The following MIGA1 variants were observed in gnomAD, a reference collection of about 807,000 sequenced individuals.
MIGA1 encodes the protein family with sequence similarity 73, member A.
In MIGA1, 58 loss-of-function variants were observed where a neutral mutation model predicts 82.0. The ratio of observed to expected loss-of-function variants is 0.71; its 90% CI spans 0.57 to 0.88. The LOEUF (loss-of-function observed/expected upper bound fraction) is 0.88, where lower values mean the gene tolerates loss of function less well. MIGA1 is among the 40% of genes least tolerant of loss of function. The probability of loss-of-function intolerance (pLI) is 0.00; values close to 1 mark genes in which losing one functional copy is unlikely to be tolerated. For missense variants in MIGA1, 751 were observed against 749.1 expected, an observed-to-expected ratio of 1.00 and a Z score of -0.03; for synonymous variants, 249 against 253.6, an observed-to-expected ratio of 0.98 and a Z score of 0.17.
chr1:77,846,587 G>A lies in MIGA1; in HGVS notation c.996+3180G>A, dbSNP rs553383879. On this transcript the variant is annotated intron_variant, in intron 8 of 15. Transcript: ENST00000370791. ...GAGCTCAAGCAATCCTCCCTCGTTG[G>A]CCTCCCAAAGTGCTGGGATTATAGG... 3.7e-4 allele frequency among the ~76,000 whole-genome samples: 56 copies of A among 151,972 alleles called. 1 individual carries two copies. The East Asian group carries it at 0.011, about 29-fold the overall frequency.
At position 77,803,569 on chromosome 1, in the gene MIGA1, A is replaced by G. The variant is rs201408630; in HGVS notation, c.510+163A>G. Among the ~76,000 whole-genome samples the G allele has an allele frequency of 2.7e-3, 415 of 152,334 alleles. 1 individual carries two copies. Among genetic ancestry groups the G allele is most frequent in the Middle Eastern group, 0.01 (3 of 294 alleles). The stretch of plus-strand genomic sequence containing the variant: ...CAAGTAAAATACCTTTTTGCTGACT[A>G]TTAGTCAATTTGGTTCTAGGTTTCT... On this transcript the variant is annotated intron_variant, in intron 4 of 15. Coordinates refer to ENST00000370791, the MANE Select transcript of MIGA1 (RefSeq NM_198549.4).
At chr1:77,816,907 G>A (rs1322523459) in intron 7 of MIGA1, among the ~76,000 whole-genome samples, 2 of 152,082 alleles carry the variant, frequency 1.3e-5, no homozygotes, top group Admixed American at 6.6e-5. Context: ...GAAGTGGCAC[G>A]GAATGCCACA....
intron 5 of MIGA1, among the ~76,000 whole-genome samples, chr1:77,812,594 C>T (rs1175124362): frequency 2.0e-5 from 3 of 152,138 alleles, no homozygotes; most frequent in Middle Eastern, 3.2e-3. Context: ...GAATGACTTG[C>T]CCAGATTCTT....
In MIGA1 at chr1:77,815,159, G is replaced by C; in HGVS notation, c.823G>C (p.Ala275Pro). The change falls in exon 7 of 16, where the codon GCC becomes CCC. Residue 275 changes from alanine (A) to proline (P), a missense_variant. By Grantham distance (27) the Ala-to-Pro change is conservative. This residue lies in a region of MIGA1 where 482 missense variants were observed against 439.4 expected (regional missense o/e 1.10). Coordinates refer to ENST00000370791, the MANE Select transcript of MIGA1 (RefSeq NM_198549.4). ...TAAACTCGAAGCTCTGCTGCAAAGA[G>C]CCTATCGTCTCCAAGAGGAGTTTGA... 1 of 1,608,364 alleles carries C rather than the reference G, an allele frequency of 6.2e-7. No homozygotes were observed. The highest frequency in any genetic ancestry group is 8.5e-7 in the Non-Finnish European group (1 of 1,176,166).
At chr1:77,872,895 T>C (rs1470317219) in intron 14 of MIGA1, 109 bp from the exon 15 acceptor site, 1 of 1,432,676 alleles carries the variant, frequency 7.0e-7, no homozygotes, top group Non-Finnish European at 9.6e-7. Flanking sequence ...AAACAAATTT[T>C]CTTAAACTCC....
At chr1:77,859,605 CTT>C (rs1201108322) in intron 10 of MIGA1, 2 of 490,210 alleles carry the variant, frequency 4.1e-6, no homozygotes, top group Non-Finnish European at 7.3e-6. Context: ...GCCCACGACA[CTT>C]TGTCAAAACA....
chr1:77,870,259 C>T (rs1221240988), intron 14 of MIGA1, among the ~76,000 whole-genome samples: 150 of 115,592 alleles, frequency 1.3e-3, no homozygotes, highest in East Asian at 4.3e-3. Flanking sequence ...GGGTGGCTGC[C>T]GGGCGGAGAC....
At chr1:77,847,869 GCAGA>G (rs554015362) in intron 8 of MIGA1, 14 of 1,588,296 alleles carry the variant, frequency 8.8e-6, no homozygotes, top group Non-Finnish European at 1.2e-5. Context: ...AAACCCAGAT[GCAGA>G]CAGTGACTTT....
intron 8 of MIGA1, chr1:77,847,253 C>A: frequency 9.7e-7 from 1 of 1,029,474 alleles, no homozygotes; most frequent in Non-Finnish European, 1.5e-6. Flanking sequence ...CAGAGGGAAG[C>A]TGCTAAGAAG....
chr1:77,872,869 A>C (rs991968648), intron 14 of MIGA1, 135 bp from the exon 15 acceptor site: 23 of 1,037,608 alleles, frequency 2.2e-5, no homozygotes, highest in Non-Finnish European at 3.1e-5. Context: ...AGGTGTTGCT[A>C]GACTCTGGTT....
At chr1:77,801,642 T>G (rs1682889198) in intron 3 of MIGA1, 134 bp downstream of exon 3, 4 of 706,568 alleles carry the variant, frequency 5.7e-6, no homozygotes, top group Non-Finnish European at 6.3e-6. Flanking sequence ...AGATTTATTT[T>G]AGAAAGATTA....
intron 5 of MIGA1, among the ~76,000 whole-genome samples, chr1:77,812,394 A>C (rs1683375650): frequency 6.6e-6 from 1 of 152,072 alleles, no homozygotes; most frequent in African/African-American, 2.4e-5. Context: ...CAGTGAGCCG[A>C]GATGGTGCCA....
Position 77,815,343 on chromosome 1 carries a change from AT to A in MIGA1, c.895+113del, listed in dbSNP as rs1362743756. On this transcript the variant is annotated intron_variant, in intron 7 of 15. Coordinates refer to ENST00000370791, the MANE Select transcript of MIGA1 (RefSeq NM_198549.4). ...GTAATAATAGGTTACTTAAAAAAAA[AT>A]AAACTAGCCAAGAGAAAAAATTTTT... 11 of 881,386 alleles carry A rather than the reference AT, an allele frequency of 1.2e-5. No homozygotes were observed. In the East Asian group the frequency reaches 2.0e-4, roughly 16 times the overall value. 54.6% of individuals were successfully genotyped at this position (881,386 alleles called of 1,614,324 possible).
intron 3 of MIGA1, 105 bp from the exon 4 acceptor site, chr1:77,803,165 A>C (rs1179135426): frequency 3.4e-6 from 2 of 596,944 alleles, no homozygotes; most frequent in Non-Finnish European, 2.5e-6. Flanking sequence ...CATGTTTTAA[A>C]ATTAGAAGCT....
At chr1:77,848,879 G>C (rs1684940973) in intron 8 of MIGA1, 1 of 796,000 alleles carries the variant, frequency 1.3e-6, no homozygotes, top group South Asian at 3.0e-5. Flanking sequence ...AACCATAAAG[G>C]AGTGTGTTAC....
chr1:77,819,767 AG>A (rs1683729090), intron 7 of MIGA1, among the ~76,000 whole-genome samples: 1 of 151,972 alleles, frequency 6.6e-6, no homozygotes. Flanking sequence ...TTTTGGGTAG[AG>A]GTGAGGTTTT....
chr1:77,842,511 C>T (rs978917251), intron 7 of MIGA1, among the ~76,000 whole-genome samples: 3 of 152,114 alleles, frequency 2.0e-5, no homozygotes, highest in African/African-American at 7.2e-5. Context: ...CTCATTAAAG[C>T]CTGAAAAAGT....
At chr1:77,808,148 T>C (rs867816129) in intron 5 of MIGA1, among the ~76,000 whole-genome samples, 2 of 148,740 alleles carry the variant, frequency 1.3e-5, no homozygotes, top group African/African-American at 4.9e-5. Flanking sequence ...TTTTTTTTTT[T>C]ATTATACTCT....
At chr1:77,813,988 T>C in intron 6 of MIGA1, 121 bp downstream of exon 6, 1 of 940,926 alleles carries the variant, frequency 1.1e-6, no homozygotes, top group Non-Finnish European at 1.6e-6. Context: ...ACTCCTGGGC[T>C]CAAGCGATCT....
Sources: allele counts gnomAD v4.1 joint callset (sites outside exome capture counted in the v4.1 genomes callset), GRCh38; gene constraint gnomAD v4.1.1; regional missense constraint gnomAD v4.1.1; transcripts MANE v1.5; gene names NCBI Gene and HGNC (gene_info 2026-07-23, HGNC 2026-07-21).